RAB22A: variants seen among roughly 807,000 people sequenced by gnomAD.
RAB22A encodes the protein RAB22A, member RAS oncogene family.
A neutral mutation model predicts 30.2 loss-of-function variants in RAB22A; 13 were observed. The observed-to-expected ratio is 0.43, with a 90% CI of 0.28 to 0.68. RAB22A has a LOEUF of 0.68. RAB22A is among the 30% of genes least tolerant of loss of function. RAB22A has a pLI of 0.18. For synonymous variants in RAB22A, 89 were observed against 87.2 expected (o/e 1.02, Z -0.11); for missense variants, 177 against 246.8 (o/e 0.72, Z 1.89).
intron 2 of RAB22A, among the ~76,000 whole-genome samples, chr20:58,315,875 G>T (rs933523153): frequency 6.6e-6 from 1 of 152,058 alleles, no homozygotes; most frequent in African/African-American, 2.4e-5. Context: ...CCTCATTGTT[G>T]CTGTGTGAGC....
At chr20:58,310,456 C>G (rs6128313) in intron 1 of RAB22A, among the ~76,000 whole-genome samples, 19,092 of 151,980 alleles carry the variant, frequency 0.13, 1,815 homozygotes, top group East Asian at 0.41. Context: ...GTGGGATACC[C>G]CTGCCACTTG....
intron 2 of RAB22A, among the ~76,000 whole-genome samples, chr20:58,318,952 A>G (rs1834942962): frequency 6.6e-6 from 1 of 152,216 alleles, no homozygotes; most frequent in Non-Finnish European, 1.5e-5. Context: ...ATTGAATTCA[A>G]ACACATAAAA....
At chr20:58,354,307 G>A (rs566971494) in intron 6 of RAB22A, 42 bp downstream of exon 6, 111 of 1,345,688 alleles carry the variant, frequency 8.2e-5, no homozygotes, top group South Asian at 3.2e-4. Flanking sequence ...TGTAAAAGCC[G>A]CTTAACACAG....
intron 3 of RAB22A, among the ~76,000 whole-genome samples, chr20:58,348,132 C>T (rs1280470486): frequency 2.0e-5 from 3 of 152,072 alleles, no homozygotes; most frequent in Non-Finnish European, 2.9e-5. Context: ...AAGGCTGAGG[C>T]AGGAGAATCA....
In RAB22A at chr20:58,363,479, A is replaced by G. The variant is rs1817635014; in HGVS notation, c.*3776A>G. 1 of 152,190 alleles carries G rather than the reference A, an allele frequency of 6.6e-6. No homozygotes were observed. Among genetic ancestry groups the G allele is most frequent in the Non-Finnish European group, 1.5e-5 (1 of 68,036 alleles). 9.4% of individuals were successfully genotyped at this position (152,190 alleles called of 1,614,324 possible). A position where few individuals can be genotyped will look rare whatever the true frequency, so the allele number is the denominator to read the frequency against. ...ATTCCTTAACTGAGCTATACTTGGT[A>G]CTTGCTCTAGAACATTTGGGAAATG... On this transcript the variant is annotated 3_prime_UTR_variant, in exon 7 of 7. Transcript: ENST00000244040.
intron 2 of RAB22A, among the ~76,000 whole-genome samples, chr20:58,315,662 G>A (rs1415586620): frequency 1.3e-5 from 2 of 152,056 alleles, no homozygotes; most frequent in Non-Finnish European, 2.9e-5. Flanking sequence ...TGGTGGTGGT[G>A]TGTAGTGGTA....
At chr20:58,349,087 C>G (rs1470903145) in intron 3 of RAB22A, among the ~76,000 whole-genome samples, 1 of 152,158 alleles carries the variant, frequency 6.6e-6, no homozygotes, top group Non-Finnish European at 1.5e-5. Flanking sequence ...TTACATGCCT[C>G]CACCTTCTTT....
At chr20:58,345,101 G>A (rs1055317292) in intron 3 of RAB22A, among the ~76,000 whole-genome samples, 5 of 152,022 alleles carry the variant, frequency 3.3e-5, no homozygotes, top group Non-Finnish European at 5.9e-5. Context: ...TGTTAGCCAC[G>A]AATCCGTGTG....
In RAB22A at chr20:58,329,762, G is replaced by A. The variant is rs1164074929; in HGVS notation, c.117-13956G>A. ...TAGATATTATACCACAGGCCATGGAGGCTCTGAGTTTGTGTCCTTTTCCCT... is the reference window on the plus strand; with the variant it reads ...TAGATATTATACCACAGGCCATGGAAGCTCTGAGTTTGTGTCCTTTTCCCT... On this transcript the variant is annotated intron_variant, in intron 2 of 6. Coordinates refer to ENST00000244040, the MANE Select transcript of RAB22A (RefSeq NM_020673.3). 3.9e-5 allele frequency among the ~76,000 whole-genome samples: 6 copies of A among 152,140 alleles called. No homozygotes were observed. The East Asian group carries it at 1.2e-3, about 29-fold the overall frequency.
At chr20:58,348,589 G>T (rs1756539510) in intron 3 of RAB22A, among the ~76,000 whole-genome samples, 1 of 152,298 alleles carries the variant, frequency 6.6e-6, no homozygotes, top group South Asian at 2.1e-4. Flanking sequence ...ATTAGAATTT[G>T]CAGACAGAAT....
intron 6 of RAB22A, among the ~76,000 whole-genome samples, chr20:58,357,132 A>T (rs571953649): frequency 6.6e-6 from 1 of 152,212 alleles, no homozygotes; most frequent in African/African-American, 2.4e-5. Flanking sequence ...GTTGACAACC[A>T]TACCGGTAGT....
Position 58,309,826 on chromosome 20 carries a change from C to T in RAB22A, c.-151C>T. ...CGCGGCTGGCAGCGGACAGGCCGGA[C>T]CTACGGCCGGAGGACGGGCGGCAGC... On this transcript the variant is annotated 5_prime_UTR_variant, in exon 1 of 7. Transcript: ENST00000244040. 1 of 688,818 alleles carries T rather than the reference C, an allele frequency of 1.5e-6. No homozygotes were observed. The highest frequency in any genetic ancestry group is 2.0e-6 in the Non-Finnish European group (1 of 490,394). 42.7% of individuals were successfully genotyped at this position (688,818 alleles called of 1,614,324 possible). A position where few individuals can be genotyped will look rare whatever the true frequency, so the allele number is the denominator to read the frequency against.
intron 2 of RAB22A, among the ~76,000 whole-genome samples, chr20:58,341,545 G>A (rs973357588): frequency 3.9e-5 from 6 of 152,144 alleles, no homozygotes; most frequent in Non-Finnish European, 7.3e-5. Context: ...AAGGGAGCTT[G>A]AGGTACAAGA....
intron 2 of RAB22A, among the ~76,000 whole-genome samples, chr20:58,332,272 C>G (rs1986674588): frequency 6.6e-6 from 1 of 152,214 alleles, no homozygotes; most frequent in Non-Finnish European, 1.5e-5. Flanking sequence ...CGTAGCTGCT[C>G]TCATCCTCTA....
At chr20:58,327,940 A>G (rs1419397440) in intron 2 of RAB22A, among the ~76,000 whole-genome samples, 2 of 152,202 alleles carry the variant, frequency 1.3e-5, no homozygotes, top group African/African-American at 4.8e-5. Flanking sequence ...GTGCTTTTGA[A>G]CTAGATGTTT....
intron 1 of RAB22A, 65 bp from the exon 2 acceptor site, chr20:58,310,978 A>C: frequency 3.1e-6 from 4 of 1,301,868 alleles, no homozygotes; most frequent in Middle Eastern, 1.8e-4. Flanking sequence ...TTATGCCACA[A>C]AGTAGTTTTT....
chr20:58,335,730 T>C (rs191929709), intron 2 of RAB22A, among the ~76,000 whole-genome samples: 1 of 152,220 alleles, frequency 6.6e-6, no homozygotes, highest in African/African-American at 2.4e-5. Flanking sequence ...TTGAAACATA[T>C]GACTGTATTA....
In RAB22A at chr20:58,338,008, TTTAG is replaced by T. The variant is rs151259834; in HGVS notation, c.117-5706_117-5703del. ...TTAGGAAAGGATAAGCTTTTTGCTA[TTTAG>T]TTATGTTTGTTTATTTTTTTTTATT... On this transcript the variant is annotated intron_variant, in intron 2 of 6. Coordinates refer to ENST00000244040, the MANE Select transcript of RAB22A (RefSeq NM_020673.3). Among the ~76,000 whole-genome samples the T allele has an allele frequency of 5.7e-3, 874 of 152,240 alleles. 5 individuals carry two copies. Among genetic ancestry groups the T allele is most frequent in the African/African-American group, 0.02 (826 of 41,546 alleles).
At chr20:58,331,612 G>T (rs889060930) in intron 2 of RAB22A, among the ~76,000 whole-genome samples, 6 of 151,738 alleles carry the variant, frequency 4.0e-5, no homozygotes, top group African/African-American at 1.5e-4. Context: ...AATATAATTC[G>T]CTTTTTATTG....
Sources: gnomAD v4.1 joint callset for allele counts (sites outside exome capture counted in the v4.1 genomes callset) on GRCh38, gnomAD v4.1.1 for gene constraint, MANE v1.5 for transcripts, NCBI Gene and HGNC (gene_info 2026-07-23, HGNC 2026-07-21) for gene names.